The following CNTN4 variants were observed in gnomAD, a reference collection of about 807,000 sequenced individuals.
CNTN4 encodes contactin 4, also known as contactin-4.
A neutral mutation model predicts 122.5 loss-of-function variants in CNTN4; 77 were observed. The observed-to-expected ratio is 0.63, with a 90% confidence interval of 0.52 to 0.76. CNTN4 has a LOEUF of 0.76. CNTN4 is among the 30% of genes least tolerant of loss of function. The probability of loss-of-function intolerance (pLI) is 0.00; values close to 1 mark genes in which losing one functional copy is unlikely to be tolerated. For synonymous variants in CNTN4, 512 were observed against 447.0 expected (o/e 1.15, Z -1.83); for missense variants, 1,256 against 1,259.1 (o/e 1.00, Z 0.04).
At chr3:2,324,520 C>T (rs1434187248) in intron 2 of CNTN4, among the ~76,000 whole-genome samples, 1 of 152,052 alleles carries the variant, frequency 6.6e-6, no homozygotes, top group Non-Finnish European at 1.5e-5. Context: ...TGTCAGGACT[C>T]TTGGTTTCAG....
chr3:2,457,180 T>A (rs1253499117), intron 3 of CNTN4, among the ~76,000 whole-genome samples: 1 of 152,100 alleles, frequency 6.6e-6, no homozygotes, highest in African/African-American at 2.4e-5. Flanking sequence ...CTTGCCTGCT[T>A]TTCCCGGGCA....
At chr3:2,460,296 C>G (rs1007658356) in intron 3 of CNTN4, among the ~76,000 whole-genome samples, 2 of 152,064 alleles carry the variant, frequency 1.3e-5, no homozygotes, top group Non-Finnish European at 2.9e-5. Flanking sequence ...TGCCACTGTT[C>G]CAAAAGTCAT....
At chr3:3,027,449 C>G (rs968624932) in intron 15 of CNTN4, among the ~76,000 whole-genome samples, 1 of 152,146 alleles carries the variant, frequency 6.6e-6, no homozygotes, top group Non-Finnish European at 1.5e-5. Context: ...AGCTTAATAA[C>G]TTTGGCTAAG....
At chr3:2,609,239 T>A (rs1479581085) in intron 4 of CNTN4, among the ~76,000 whole-genome samples, 6 of 152,218 alleles carry the variant, frequency 3.9e-5, no homozygotes, top group African/African-American at 1.4e-4. Flanking sequence ...TCACGAAGGA[T>A]GTGCCCTCGT....
chr3:2,740,883 CCATTTGTT>C, intron 5 of CNTN4, among the ~76,000 whole-genome samples: 1 of 152,228 alleles, frequency 6.6e-6, no homozygotes, highest in Non-Finnish European at 1.5e-5. Flanking sequence ...GCTCATTTAT[CCATTTGTT>C]CATTTATCAA....
intron 2 of CNTN4, among the ~76,000 whole-genome samples, chr3:2,217,939 T>A (rs2038915909): frequency 6.6e-6 from 1 of 151,582 alleles, no homozygotes; most frequent in African/African-American, 2.4e-5. Context: ...ACTTAGGGAG[T>A]TTAAAGTCTA....
intron 4 of CNTN4, among the ~76,000 whole-genome samples, chr3:2,606,346 C>T (rs984925086): frequency 1.3e-5 from 2 of 151,836 alleles, no homozygotes; most frequent in Non-Finnish European, 2.9e-5. Flanking sequence ...GGGCAGGGGT[C>T]GAGGGGGAGG....
intron 2 of CNTN4, among the ~76,000 whole-genome samples, chr3:2,260,482 C>T (rs1293677340): frequency 4.0e-5 from 6 of 151,782 alleles, no homozygotes; most frequent in East Asian, 1.9e-4. Context: ...GATTTAAGAA[C>T]AATAGAAAAA....
chr3:2,746,833 G>A (rs1031094694), intron 6 of CNTN4, among the ~76,000 whole-genome samples: 9 of 152,138 alleles, frequency 5.9e-5, no homozygotes, highest in African/African-American at 1.4e-4. Context: ...CTAAATATTC[G>A]TAGGTGTTTA....
intron 3 of CNTN4, among the ~76,000 whole-genome samples, chr3:2,372,257 A>G (rs1240473662): frequency 6.6e-6 from 1 of 152,232 alleles, no homozygotes; most frequent in Non-Finnish European, 1.5e-5. Flanking sequence ...TAAAAGATTG[A>G]AGCAGTATTA....
At chr3:2,283,972 C>G (rs569810540) in intron 2 of CNTN4, among the ~76,000 whole-genome samples, 1 of 152,204 alleles carries the variant, frequency 6.6e-6, no homozygotes, top group African/African-American at 2.4e-5. Flanking sequence ...GGCCTGAAAT[C>G]TGCTTCTTAC....
Position 2,902,988 on chromosome 3 carries a change from C to T in CNTN4, c.1190C>T (p.Ala397Val). The change falls in exon 12 of 25, where the codon GCA becomes GTA. Residue 397 changes from alanine (A) to valine (V), a missense_variant. Coordinates refer to ENST00000418658, the MANE Select transcript of CNTN4 (RefSeq NM_175607.3). ...ENKHGVIFSN[A>V]ELSVIAVGPD... Reference sequence around the variant, plus strand: ...AAACATGGAGTTATCTTTTCCAACGCAGAGCTTAGTGTTATAGGTGAGTCT... The same window carrying T: ...AAACATGGAGTTATCTTTTCCAACGTAGAGCTTAGTGTTATAGGTGAGTCT... 6.2e-7 allele frequency: 1 copy of T among 1,613,620 alleles called. No homozygotes were observed. The highest frequency in any genetic ancestry group is 8.5e-7 in the Non-Finnish European group (1 of 1,179,810).
intron 2 of CNTN4, among the ~76,000 whole-genome samples, chr3:2,268,394 A>G (rs2149797298): frequency 6.6e-6 from 1 of 152,150 alleles, no homozygotes; most frequent in African/African-American, 2.4e-5. Flanking sequence ...TTATAACGAG[A>G]GCCTGAAAAA....
chr3:2,972,819 T>G (rs1474041640), intron 13 of CNTN4, among the ~76,000 whole-genome samples: 1 of 152,112 alleles, frequency 6.6e-6, no homozygotes, highest in Non-Finnish European at 1.5e-5. Context: ...ACCCCTCCCC[T>G]TCATATCCTT....
At chr3:2,606,701 A>G (rs555775728) in intron 4 of CNTN4, among the ~76,000 whole-genome samples, 2 of 152,298 alleles carry the variant, frequency 1.3e-5, no homozygotes, top group East Asian at 3.9e-4. Flanking sequence ...GTTCGTCAGC[A>G]TTCTTAGGGA....
intron 13 of CNTN4, among the ~76,000 whole-genome samples, chr3:2,946,367 A>G (rs1047062548): frequency 1.9e-4 from 29 of 152,174 alleles, no homozygotes; most frequent in African/African-American, 6.8e-4. Flanking sequence ...TTTGTTTTAC[A>G]TTTATGGTAA....
chr3:2,784,667 AAGC>A (rs2091740067), intron 6 of CNTN4, among the ~76,000 whole-genome samples: 1 of 152,204 alleles, frequency 6.6e-6, no homozygotes, highest in Admixed American at 6.5e-5. Context: ...CACCTAGAAA[AAGC>A]AGAGTTGTGG....
intron 13 of CNTN4, among the ~76,000 whole-genome samples, chr3:2,961,046 CG>C (rs202035705): frequency 0.32 from 42,302 of 132,716 alleles, 6,257 homozygotes; most frequent in East Asian, 0.57. Context: ...CTGGCTAACA[CG>C]GTGAAACCCC....
chr3:2,993,586 C>G (rs1205935332), intron 14 of CNTN4, among the ~76,000 whole-genome samples: 1 of 107,888 alleles, frequency 9.3e-6, no homozygotes, highest in African/African-American at 3.6e-5. Flanking sequence ...AGGCATGAGC[C>G]ACTGCGCCCC....
Sources: allele counts gnomAD v4.1 joint callset (sites outside exome capture counted in the v4.1 genomes callset), GRCh38; gene constraint gnomAD v4.1.1; transcripts MANE v1.5; gene names NCBI Gene and HGNC (gene_info 2026-07-23, HGNC 2026-07-21).